The following UBAC2 variants were observed in gnomAD, a reference collection of about 807,000 sequenced individuals.
UBAC2 encodes the protein ubiquitin-associated domain-containing protein 2.
UBAC2 carries 26 observed loss-of-function variants against 44.0 expected under a neutral mutation model. The ratio of observed to expected loss-of-function variants is 0.59; its 90% CI spans 0.43 to 0.82. The LOEUF is 0.82. Ranked by LOEUF, UBAC2 falls within the 40% of genes least tolerant of loss-of-function variation. UBAC2 has a pLI of 0.00. For missense variants in UBAC2, 329 were observed against 419.4 expected (o/e 0.78, Z 1.88); for synonymous variants, 155 against 154.3 (o/e 1.00, Z -0.04).
chr13:99,208,104 TCTC>T (rs2042895378), intron 1 of UBAC2, among the ~76,000 whole-genome samples: 2 of 151,302 alleles, frequency 1.3e-5, no homozygotes, highest in Admixed American at 1.3e-4. Flanking sequence ...TTTGAGCAAT[TCTC>T]CTGCCTCAGC....
chr13:99,213,360 CT>C (rs917515837), intron 1 of UBAC2, among the ~76,000 whole-genome samples: 11 of 150,556 alleles, frequency 7.3e-5, no homozygotes, highest in African/African-American at 2.7e-4. Flanking sequence ...CTATCCATAA[CT>C]TTTTTTTTGT....
intron 6 of UBAC2, among the ~76,000 whole-genome samples, chr13:99,338,823 A>G (rs568751394): frequency 1.0e-3 from 159 of 152,322 alleles, no homozygotes; most frequent in African/African-American, 3.7e-3. Flanking sequence ...GCTGCATTAG[A>G]TATAGCTGAC....
rs560517982 is a variant in UBAC2 at position 99,237,267 on chromosome 13, T to TACACACACACAC, written c.32-1159_32-1158insCACACACACACA. Among the ~76,000 whole-genome samples the TACACACACACAC allele has an allele frequency of 5.1e-3, 601 of 118,714 alleles. 3 individuals are homozygous for TACACACACACAC. Among genetic ancestry groups the TACACACACACAC allele is most frequent in the South Asian group, 0.033 (133 of 4,048 alleles). 77.9% of individuals were successfully genotyped at this position (118,714 alleles called of 152,430 possible). A position where few individuals can be genotyped will look rare whatever the true frequency, so the allele number is the denominator to read the frequency against. ...AAAATTTTATGCGTATATATATATA[T>TACACACACACAC]ATATACACACACACACACACACACA... On this transcript the variant is annotated intron_variant, in intron 1 of 8. Transcript: ENST00000403766.
intron 7 of UBAC2, among the ~76,000 whole-genome samples, chr13:99,353,782 A>G (rs1163837808): frequency 6.6e-6 from 1 of 152,180 alleles, no homozygotes; most frequent in East Asian, 1.9e-4. Flanking sequence ...GCTCTTAATG[A>G]GGAACAGACC....
chr13:99,253,431 CA>C (rs1189916436), intron 4 of UBAC2, among the ~76,000 whole-genome samples: 23 of 151,536 alleles, frequency 1.5e-4, no homozygotes, highest in Non-Finnish European at 2.9e-4. Flanking sequence ...CCTTCTAGTG[CA>C]AAAATGCCAT....
At position 99,318,018 on chromosome 13, in the gene UBAC2, A is replaced by G. The variant is rs755790561; in HGVS notation, c.514-4A>G. 1.1e-5 allele frequency: 17 copies of G among 1,594,018 alleles called. No homozygotes were observed. Among genetic ancestry groups the G allele is most frequent in the South Asian group, 5.7e-5 (5 of 87,446 alleles). The stretch of plus-strand genomic sequence containing the variant: ...TTTAGTTGCCTTTTTTTTTTCTTTT[A>G]TAGCTTTTCACCTCTGGTTCCTACA... On this transcript the variant is annotated splice_region_variant and splice_polypyrimidine_tract_variant and intron_variant, in intron 5 of 8. Coordinates refer to ENST00000403766, the MANE Select transcript of UBAC2 (RefSeq NM_001144072.2).
chr13:99,376,272 T>G (rs1384837615), intron 8 of UBAC2, among the ~76,000 whole-genome samples: 1 of 152,200 alleles, frequency 6.6e-6, no homozygotes, highest in Non-Finnish European at 1.5e-5. Flanking sequence ...CTCCCCTGCC[T>G]TGGTCAGCCA....
At position 99,385,354 on chromosome 13, in the gene UBAC2, GGGACC is replaced by G; in HGVS notation, c.*27_*31del. 1.2e-6 allele frequency: 2 copies of G among 1,602,912 alleles called. No homozygotes were observed. The highest frequency in any genetic ancestry group is 2.2e-5 in the South Asian group (2 of 90,886). On this transcript the variant is annotated 3_prime_UTR_variant, in exon 9 of 9. Coordinates refer to ENST00000403766, the MANE Select transcript of UBAC2 (RefSeq NM_001144072.2). ...GCACTGATAGTCCCAGGCCAACACT[GGGACC>G]GGACCGGCAGCCGAGTGACAGTGCG...
intron 4 of UBAC2, among the ~76,000 whole-genome samples, chr13:99,301,871 T>C (rs1387207949): frequency 6.6e-6 from 1 of 152,248 alleles, no homozygotes; most frequent in Admixed American, 6.5e-5. Context: ...ATAACAGCTT[T>C]TGGTTTTTGC....
In UBAC2 at chr13:99,244,371, ATATATACACACATATGCATGTGTG is replaced by A. The variant is rs146409182; in HGVS notation, c.280-131_280-108del. 2.6e-5 allele frequency: 13 copies of A among 496,428 alleles called. No individual in the cohort carries two copies. In the South Asian group the frequency reaches 4.2e-4, roughly 16 times the overall value. 30.8% of individuals were successfully genotyped at this position (496,428 alleles called of 1,614,324 possible). A position where few individuals can be genotyped will look rare whatever the true frequency, so the allele number is the denominator to read the frequency against. On this transcript the variant is annotated intron_variant, in intron 3 of 8. Coordinates refer to ENST00000403766, the MANE Select transcript of UBAC2 (RefSeq NM_001144072.2). ...TTAATAAAAACAAATAATTTCAAAT[ATATATACACACATATGCATGTGTG>A]TATATACACACACACACATACATAT...
chr13:99,291,133 C>G (rs1488303528), intron 4 of UBAC2, among the ~76,000 whole-genome samples: 4 of 152,136 alleles, frequency 2.6e-5, no homozygotes, highest in Non-Finnish European at 5.9e-5. Context: ...GCTATAGTTT[C>G]CTCATCAGCA....
intron 8 of UBAC2, among the ~76,000 whole-genome samples, chr13:99,384,182 C>T (rs564775552): frequency 9.1e-4 from 138 of 152,226 alleles, no homozygotes; most frequent in Non-Finnish European, 1.6e-3. Context: ...CGCTCTCTTT[C>T]GGAAAGAAAA....
intron 8 of UBAC2, among the ~76,000 whole-genome samples, chr13:99,368,690 T>A (rs77295741): frequency 0.02 from 1,521 of 76,062 alleles, 26 homozygotes; most frequent in African/African-American, 0.11. Context: ...CATGAGAGAG[T>A]GTGTGTGTGT....
chr13:99,354,639 C>T (rs2045148642), intron 7 of UBAC2, among the ~76,000 whole-genome samples: 1 of 152,120 alleles, frequency 6.6e-6, no homozygotes, highest in South Asian at 2.1e-4. Flanking sequence ...TTTGAGCCGA[C>T]ATAGTAATTT....
chr13:99,268,486 T>TA (rs1292655536), intron 4 of UBAC2, among the ~76,000 whole-genome samples: 1 of 151,694 alleles, frequency 6.6e-6, no homozygotes, highest in Non-Finnish European at 1.5e-5. Context: ...CATGTGCCTG[T>TA]AGTCTCAGCT....
chr13:99,346,866 G>A (rs1379870666), intron 7 of UBAC2, among the ~76,000 whole-genome samples: 1 of 152,202 alleles, frequency 6.6e-6, no homozygotes, highest in Non-Finnish European at 1.5e-5. Flanking sequence ...TCTCCAGTGT[G>A]TGAATAATGC....
At chr13:99,217,939 C>T (rs72648076) in intron 1 of UBAC2, among the ~76,000 whole-genome samples, 2 of 152,230 alleles carry the variant, frequency 1.3e-5, no homozygotes, top group Non-Finnish European at 2.9e-5. Flanking sequence ...ATTTACAACA[C>T]GTTTTCTTGC....
intron 7 of UBAC2, among the ~76,000 whole-genome samples, chr13:99,366,530 A>G (rs932047614): frequency 6.6e-6 from 1 of 152,220 alleles, no homozygotes; most frequent in Non-Finnish European, 1.5e-5. Flanking sequence ...CAACATATGT[A>G]TAGTATAACT....
chr13:99,300,692 T>G (rs187468086), intron 4 of UBAC2, among the ~76,000 whole-genome samples: 1 of 152,334 alleles, frequency 6.6e-6, no homozygotes, highest in East Asian at 1.9e-4. Context: ...TGGTACCTTT[T>G]TGTATTAGAG....
Sources: gnomAD v4.1 joint callset for allele counts (sites outside exome capture counted in the v4.1 genomes callset) on GRCh38, gnomAD v4.1.1 for gene constraint, MANE v1.5 for transcripts, NCBI Gene and HGNC (gene_info 2026-07-23, HGNC 2026-07-21) for gene names.